The following PARP9 variants were observed in gnomAD, a reference collection of about 807,000 sequenced individuals.
PARP9 encodes the protein protein mono-ADP-ribosyltransferase PARP9.
Under a neutral mutation model 68.8 loss-of-function variants are expected in PARP9, and 48 were observed. The ratio of observed to expected loss-of-function variants is 0.70; its 90% CI spans 0.55 to 0.89. The LOEUF (loss-of-function observed/expected upper bound fraction) is 0.89, where lower values mean the gene tolerates loss of function less well. Ranked by LOEUF, PARP9 falls within the 40% of genes least tolerant of loss-of-function variation. The probability of loss-of-function intolerance (pLI) is 0.00; values close to 1 mark genes in which losing one functional copy is unlikely to be tolerated. For missense variants in PARP9, 806 were observed against 969.3 expected (o/e 0.83, Z 2.24); for synonymous variants, 309 against 333.8 (o/e 0.93, Z 0.81).
At chr3:122,538,266 C>A (rs2077805317) in intron 8 of PARP9, among the ~76,000 whole-genome samples, 1 of 152,172 alleles carries the variant, frequency 6.6e-6, no homozygotes. Flanking sequence ...CCAAGCTCCT[C>A]CTACATGTCA....
rs1373827065 is a variant in PARP9, at chr3:122,546,991, T to C, written c.1327-1502A>G. Among the ~76,000 whole-genome samples the C allele has an allele frequency of 2.4e-4, 26 of 110,632 alleles. 1 individual carries two copies. The highest frequency in any genetic ancestry group is 1.4e-3 in the South Asian group (4 of 2,954). The allele number at this position is 110,632 out of a possible 152,430, so 72.6% of individuals were successfully genotyped here. A position where few individuals can be genotyped will look rare whatever the true frequency, so the allele number is the denominator to read the frequency against. ...CACTATATATATATATATATATATA[T>C]ATATATATATATATATATATATACA... On this transcript the variant is annotated intron_variant, in intron 6 of 10. Transcript: ENST00000682323.
At chr3:122,540,395 CCATA>C (rs2107611710) in intron 8 of PARP9, 73 bp downstream of exon 8, 1 of 1,525,730 alleles carries the variant, frequency 6.6e-7, no homozygotes, top group African/African-American at 1.4e-5. Context: ...TTACCCACAT[CCATA>C]CATACACGCT....
At chr3:122,548,067 A>G (rs557957175) in intron 6 of PARP9, among the ~76,000 whole-genome samples, 3 of 152,358 alleles carry the variant, frequency 2.0e-5, no homozygotes, top group East Asian at 3.9e-4. Flanking sequence ...GAGCTGGCAT[A>G]CAATGACTCA....
chr3:122,560,121 C>A (rs1187719106), intron 1 of PARP9, among the ~76,000 whole-genome samples: 1 of 151,996 alleles, frequency 6.6e-6, no homozygotes, highest in Admixed American at 6.6e-5. Context: ...CCCTGGAGAG[C>A]GTTTGAAGAA....
At position 122,536,998 on chromosome 3, in the gene PARP9, G is replaced by GCC; in HGVS notation, c.1840_1841insGG (p.Pro614ArgfsTer8). 6.2e-7 allele frequency: 1 copy of GCC among 1,613,900 alleles called. No individual in the cohort carries two copies. The highest frequency in any genetic ancestry group is 8.5e-7 in the Non-Finnish European group (1 of 1,179,886). On this transcript the variant is annotated frameshift_variant, in exon 9 of 11. Coordinates refer to ENST00000682323, the MANE Select transcript of PARP9 (RefSeq NM_001146105.2). LOFTEE classifies it high-confidence loss of function. ...TTGATCTAGAAGCTCTTGAGTTGGAGGCACAGGACATTTCAGAAATATGAT... is the reference window on the plus strand; with the variant it reads ...TTGATCTAGAAGCTCTTGAGTTGGAGCCGCACAGGACATTTCAGAAATATGAT...
intron 6 of PARP9, among the ~76,000 whole-genome samples, chr3:122,548,593 C>T (rs1270164056): frequency 6.6e-6 from 1 of 152,192 alleles, no homozygotes; most frequent in African/African-American, 2.4e-5. Flanking sequence ...ACTTTAAAGG[C>T]AGAACAGCAC....
intron 6 of PARP9, chr3:122,545,698 G>A (rs954195189): frequency 7.4e-6 from 4 of 543,232 alleles, no homozygotes; most frequent in Non-Finnish European, 1.3e-5. Context: ...TAGGAAAAAT[G>A]GAGATGAAAT....
Position 122,558,460 on chromosome 3 carries a change from C to T in PARP9, c.23G>A (p.Gly8Glu), listed in dbSNP as rs1203857761. The T allele has an allele frequency of 1.2e-6, 2 of 1,613,910 alleles. No individual in the cohort carries two copies. The highest frequency in any genetic ancestry group is 1.7e-4 in the Middle Eastern group (1 of 6,058). Residue 8 changes from glycine to glutamate, a missense_variant, in exon 3 of 11, where the codon GGA (glycine) becomes GAA (glutamate). Gly to Glu is a moderately conservative substitution (Grantham distance 98). Transcript: ENST00000682323. The stretch of plus-strand genomic sequence containing the variant: ...TGATTTTTCATTGTAAGCTGCTGCT[C>T]CGGCCACCTGTGAAAAATGAGAATG... MDFSMVA[G>E]AAAYNEKSET...
chr3:122,531,306 G>A (rs968460113), intron 10 of PARP9, among the ~76,000 whole-genome samples: 1 of 152,190 alleles, frequency 6.6e-6, no homozygotes, highest in Non-Finnish European at 1.5e-5. Context: ...AATTTATGTG[G>A]CAAGGTAATA....
chr3:122,532,106 C>T lies in PARP9; in HGVS notation c.2081-3363G>A, dbSNP rs2077353702. ...GGTGCAGTCCCTCATCCAGCTTCATCACCTGAGTGGAGAGTGGCAATGGCT... is the reference window on the plus strand; with the variant it reads ...GGTGCAGTCCCTCATCCAGCTTCATTACCTGAGTGGAGAGTGGCAATGGCT... On this transcript the variant is annotated intron_variant, in intron 10 of 10. Coordinates refer to ENST00000682323, the MANE Select transcript of PARP9 (RefSeq NM_001146105.2). 16 of 977,642 alleles carry T rather than the reference C, an allele frequency of 1.6e-5. 1 individual carries two copies. The African/African-American group carries it at 1.9e-4, about 12-fold the overall frequency. The allele number at this position is 977,642 out of a possible 1,614,324, so 60.6% of individuals were successfully genotyped here.
At position 122,559,677 on chromosome 3, in the gene PARP9, T is replaced by C. The variant is rs142727460; in HGVS notation, c.-57A>G. ...TTATTCCCTTTTGCGCTTCAAAGCA[T>C]AGACTGTAGTTTCCAGATATGGTGG... On this transcript the variant is annotated 5_prime_UTR_variant, in exon 2 of 11. The change abolishes an upstream ATG in the 5' untranslated region. Coordinates refer to ENST00000682323, the MANE Select transcript of PARP9 (RefSeq NM_001146105.2). The C allele has an allele frequency of 5.7e-5, 86 of 1,519,742 alleles. No individual in the cohort carries two copies. The African/African-American group carries it at 1.1e-3, about 19-fold the overall frequency. 94.1% of individuals were successfully genotyped at this position (1,519,742 alleles called of 1,614,324 possible).
chr3:122,529,234 TA>T (rs59705545), intron 10 of PARP9, among the ~76,000 whole-genome samples: 22,000 of 77,280 alleles, frequency 0.28, 1,733 homozygotes, highest in Middle Eastern at 0.31. Context: ...GCGAAACTCT[TA>T]AAAAAAAAAA....
At chr3:122,547,426 G>A (rs1451319922) in intron 6 of PARP9, among the ~76,000 whole-genome samples, 1 of 151,984 alleles carries the variant, frequency 6.6e-6, no homozygotes, top group Non-Finnish European at 1.5e-5. Flanking sequence ...ATTAGTCCCT[G>A]GGGGAGCGCT....
At chr3:122,540,890 A>AG in intron 7 of PARP9, 38 bp from the exon 8 acceptor site, 2 of 1,533,706 alleles carry the variant, frequency 1.3e-6, no homozygotes, top group Non-Finnish European at 1.7e-6. Context: ...GAAGACTAGC[A>AG]GTTTTTTGTT....
chr3:122,528,646 CACA>C lies in PARP9; in HGVS notation c.2175_2177del (p.Tyr725_Val726delinsTer). The C allele has an allele frequency of 6.2e-7, 1 of 1,614,162 alleles. No homozygotes were observed. On this transcript the variant is annotated stop_gained and inframe_deletion, in exon 11 of 11. Coordinates refer to ENST00000682323, the MANE Select transcript of PARP9 (RefSeq NM_001146105.2). LOFTEE classifies it low-confidence loss of function (END_TRUNC). Reference sequence around the variant, plus strand: ...AGCCTGTGAGTACTTCAGCCTCAAACACATAGATCAGCTTATCTGCAGCAGAGA... The same window carrying C: ...AGCCTGTGAGTACTTCAGCCTCAAACTAGATCAGCTTATCTGCAGCAGAGA...
At chr3:122,563,655 C>T (rs2080427950) in intron 1 of PARP9, among the ~76,000 whole-genome samples, 1 of 152,142 alleles carries the variant, frequency 6.6e-6, no homozygotes, top group Non-Finnish European at 1.5e-5. Flanking sequence ...CCCAGGCCCA[C>T]TCTGTGCTTC....
At chr3:122,559,184 G>A (rs1297696889) in intron 2 of PARP9, among the ~76,000 whole-genome samples, 1 of 152,234 alleles carries the variant, frequency 6.6e-6, no homozygotes, top group Non-Finnish European at 1.5e-5. Flanking sequence ...AGCCTCATCA[G>A]CTCTGTCTCT....
chr3:122,540,650 C>T lies in PARP9; in HGVS notation c.1587G>A (p.Gln529=), dbSNP rs1208966065. 1 of 1,613,996 alleles carries T rather than the reference C, an allele frequency of 6.2e-7. No individual in the cohort carries two copies. Residue 529 remains glutamine (Q), a synonymous_variant, in exon 8 of 11, where the codon CAG becomes CAA. Coordinates refer to ENST00000682323, the MANE Select transcript of PARP9 (RefSeq NM_001146105.2). Reference sequence around the variant, plus strand: ...TGGAGACACTTGAAGTTTTCTGAAGCTGAGACAAAATGTCATGTTCCTTTC... The same window carrying T: ...TGGAGACACTTGAAGTTTTCTGAAGTTGAGACAAAATGTCATGTTCCTTTC... ...LGRKEHDILS[Q]LQKTSSVSIT... is the part of the protein sequence containing the mutation.
chr3:122,535,763 A>G, intron 10 of PARP9: 1 of 1,007,894 alleles, frequency 9.9e-7, no homozygotes. Flanking sequence ...AACTTTCTTA[A>G]ATTTGGGAAA....
Sources: allele counts gnomAD v4.1 joint callset (sites outside exome capture counted in the v4.1 genomes callset), GRCh38; gene constraint gnomAD v4.1.1; transcripts MANE v1.5; gene names NCBI Gene and HGNC (gene_info 2026-07-23, HGNC 2026-07-21).